The following NME8 variants were observed in gnomAD, a reference collection of about 807,000 sequenced individuals.
NME8 encodes protein NME8.
In NME8, 72 loss-of-function variants were observed where a neutral mutation model predicts 82.3. That is an observed-to-expected ratio of 0.87 (90% CI 0.72 to 1.06). NME8 has a LOEUF of 1.06. Among genes scored for constraint, NME8 ranks in the 50% least tolerant of loss-of-function variants. The pLI, the probability that NME8 is intolerant of heterozygous loss-of-function variation, is 0.00. For missense variants in NME8, 712 were observed against 685.4 expected (o/e 1.04, Z -0.43); for synonymous variants, 267 against 228.5 (o/e 1.17, Z -1.52).
chr7:37,882,599 G>GAAAGAAAGAA (rs1374421441), intron 12 of NME8, among the ~76,000 whole-genome samples: 769 of 39,472 alleles, frequency 0.019, 6 homozygotes, highest in Admixed American at 0.045. Flanking sequence ...AAGAAAGAAA[G>GAAAGAAAGAA]AGAGAGAGAG....
At chr7:37,860,171 TAA>T (rs1325369299) in intron 6 of NME8, among the ~76,000 whole-genome samples, 1 of 152,250 alleles carries the variant, frequency 6.6e-6, no homozygotes, top group African/African-American at 2.4e-5. Flanking sequence ...TGAATATGAT[TAA>T]GTCTTTTCAA....
intron 11 of NME8, among the ~76,000 whole-genome samples, chr7:37,875,421 C>T (rs981621205): frequency 6.6e-6 from 1 of 151,794 alleles, no homozygotes; most frequent in Non-Finnish European, 1.5e-5. Context: ...CACACACACC[C>T]ACACAGCCCC....
At chr7:37,865,373 GC>G (rs1784661095) in intron 9 of NME8, 151 bp from the exon 10 acceptor site, 3 of 638,590 alleles carry the variant, frequency 4.7e-6, no homozygotes, top group Non-Finnish European at 8.5e-6. Context: ...ATATTTTTGA[GC>G]CACTTCAAAC....
intron 11 of NME8, among the ~76,000 whole-genome samples, chr7:37,871,760 G>A (rs924040436): frequency 5.3e-5 from 8 of 151,982 alleles, no homozygotes; most frequent in African/African-American, 1.9e-4. Flanking sequence ...CTTCTCAGTA[G>A]CCTCTCTATT....
At chr7:37,882,200 G>A (rs911021666) in intron 12 of NME8, among the ~76,000 whole-genome samples, 8 of 152,296 alleles carry the variant, frequency 5.3e-5, no homozygotes, top group Admixed American at 3.3e-4. Flanking sequence ...AAGGTATCAA[G>A]GTGTGGGCCA....
chr7:37,873,393 A>T (rs1784800912), intron 11 of NME8, among the ~76,000 whole-genome samples: 1 of 150,742 alleles, frequency 6.6e-6, no homozygotes. Flanking sequence ...AATAGTCTTT[A>T]TGTACCTTTG....
intron 11 of NME8, 105 bp downstream of exon 11, chr7:37,868,003 G>T (rs1784714805): frequency 2.2e-6 from 2 of 897,610 alleles, no homozygotes; most frequent in Non-Finnish European, 3.6e-6. Flanking sequence ...TATGTTAAAG[G>T]CATAAGTATT....
chr7:37,855,447 C>G (rs1255267133), intron 5 of NME8, among the ~76,000 whole-genome samples: 1 of 152,138 alleles, frequency 6.6e-6, no homozygotes. Context: ...CCTATCTCTT[C>G]TTCCTTAAGT....
intron 11 of NME8, among the ~76,000 whole-genome samples, chr7:37,868,364 G>A (rs1212201069): frequency 6.6e-6 from 1 of 152,100 alleles, no homozygotes; most frequent in African/African-American, 2.4e-5. Context: ...TGTCAGCAAG[G>A]GTTGCACAAT....
In NME8 at chr7:37,850,290, C is replaced by G. The variant is rs765828426; in HGVS notation, c.24C>G (p.Val8=). The G allele has an allele frequency of 1.8e-5, 29 of 1,613,968 alleles. No homozygotes were observed. Among genetic ancestry groups the G allele is most frequent in the African/African-American group, 2.7e-5 (2 of 74,926 alleles). The change falls in exon 3 of 18, where the codon GTC becomes GTG. Residue 8 remains valine (V), a synonymous_variant. Coordinates refer to ENST00000199447, the MANE Select transcript of NME8 (RefSeq NM_016616.5). ...AAATGGCAAGCAAAAAACGAGAAGTCCAGTTACAGGTGGGTCTGACATATC... is the reference window on the plus strand; with the variant it reads ...AAATGGCAAGCAAAAAACGAGAAGTGCAGTTACAGGTGGGTCTGACATATC... The part of the protein sequence containing the change: MASKKRE[V]QLQTVINNQS...
At chr7:37,856,972 G>A (rs527610497) in intron 5 of NME8, among the ~76,000 whole-genome samples, 22 of 152,264 alleles carry the variant, frequency 1.4e-4, no homozygotes, top group African/African-American at 5.1e-4. Context: ...AGACAGAATT[G>A]GAGGAAGGAT....
At chr7:37,854,722 C>T (rs2598035) in intron 5 of NME8, among the ~76,000 whole-genome samples, 139,442 of 152,156 alleles carry the variant, frequency 0.92, 64,175 homozygotes, top group Middle Eastern at 0.95. Flanking sequence ...CTCATCTCTA[C>T]CAATTTGTCT....
At position 37,884,298 on chromosome 7, in the gene NME8, T is replaced by C; in HGVS notation, c.995-5T>C. 2 of 1,553,742 alleles carry C rather than the reference T, an allele frequency of 1.3e-6. No homozygotes were observed. Among genetic ancestry groups the C allele is most frequent in the Non-Finnish European group, 1.8e-6 (2 of 1,125,260 alleles). On this transcript the variant is annotated splice_polypyrimidine_tract_variant and splice_region_variant and intron_variant, in intron 12 of 17. Coordinates refer to ENST00000199447, the MANE Select transcript of NME8 (RefSeq NM_016616.5). ...AAAACTTATTATGTAACTGTTTTTA[T>C]TTAGATGATGTTTTGCGTATTATTA...
intron 6 of NME8, among the ~76,000 whole-genome samples, chr7:37,861,169 A>G (rs1317122217): frequency 1.3e-5 from 2 of 152,136 alleles, no homozygotes; most frequent in African/African-American, 4.8e-5. Context: ...AAACATTCTG[A>G]CTGCACTTAG....
rs1336764833 is a variant in NME8, at chr7:37,894,455, G to T, written c.1400-11G>T. ...CAATCTGCAATATTATCAAATATTT[G>T]TTTTTCTTAGAGCAGATCCTGAAGA... On this transcript the variant is annotated splice_polypyrimidine_tract_variant and intron_variant, in intron 15 of 17. Coordinates refer to ENST00000199447, the MANE Select transcript of NME8 (RefSeq NM_016616.5). 5 of 1,611,810 alleles carry T rather than the reference G, an allele frequency of 3.1e-6. No homozygotes were observed. Among genetic ancestry groups the T allele is most frequent in the Non-Finnish European group, 4.2e-6 (5 of 1,178,264 alleles).
chr7:37,867,636 T>A, intron 10 of NME8, 66 bp from the exon 11 acceptor site: 2 of 1,218,038 alleles, frequency 1.6e-6, no homozygotes, highest in Admixed American at 3.5e-5. Flanking sequence ...ACTTGGGTAG[T>A]GACCACCATT....
rs140970236 is a variant in NME8 at position 37,899,637 on chromosome 7, A to G, written c.*16-607A>G. On this transcript the variant is annotated intron_variant, in intron 17 of 17. Coordinates refer to ENST00000199447, the MANE Select transcript of NME8 (RefSeq NM_016616.5). ...AAACTACCATGGCACACATTTACCT[A>G]TGAAACAAACCTGCACATCCTGTAC... is the stretch of plus-strand genomic sequence containing the variant. Among the ~76,000 whole-genome samples, 1,296 of 152,284 alleles carry G rather than the reference A, an allele frequency of 8.5e-3. 92 individuals carry two copies. The East Asian group carries it at 0.19, about 22-fold the overall frequency.
intron 2 of NME8, among the ~76,000 whole-genome samples, chr7:37,849,524 A>G (rs964340788): frequency 2.0e-5 from 3 of 152,168 alleles, no homozygotes. Flanking sequence ...TCTCCCCAGC[A>G]AAGATGACAC....
chr7:37,853,327 C>A (rs919972032), intron 5 of NME8, among the ~76,000 whole-genome samples: 2 of 152,012 alleles, frequency 1.3e-5, no homozygotes, highest in Non-Finnish European at 2.9e-5. Flanking sequence ...GATTCTGTAA[C>A]AACCTGTTTC....
Sources: allele counts gnomAD v4.1 joint callset (sites outside exome capture counted in the v4.1 genomes callset), GRCh38; gene constraint gnomAD v4.1.1; transcripts MANE v1.5; gene names NCBI Gene and HGNC (gene_info 2026-07-23, HGNC 2026-07-21).